Variants in CTNND2 observed in about 807,000 individuals in gnomAD.
The protein encoded by CTNND2 is catenin delta-2.
In CTNND2, 22 loss-of-function variants were observed where a neutral mutation model predicts 144.4. That is an observed-to-expected ratio of 0.15 (90% confidence interval 0.11 to 0.22). The LOEUF is 0.22. Ranked by LOEUF, CTNND2 falls within the 10% of genes least tolerant of loss-of-function variation. The probability of loss-of-function intolerance (pLI) is 1.00; values close to 1 mark genes in which losing one functional copy is unlikely to be tolerated. For synonymous variants in CTNND2, 751 were observed against 695.6 expected (o/e 1.08, Z -1.25); for missense variants, 1,353 against 1,618.8 (o/e 0.84, Z 2.82).
intron 7 of CTNND2, among the ~76,000 whole-genome samples, chr5:11,379,688 G>A (rs1320666398): frequency 6.6e-6 from 1 of 152,140 alleles, no homozygotes. Context: ...CAAAGCAAAC[G>A]GGAAAGAGTT....
chr5:11,699,339 G>C (rs1475953446), intron 2 of CTNND2, among the ~76,000 whole-genome samples: 1 of 152,106 alleles, frequency 6.6e-6, no homozygotes, highest in Non-Finnish European at 1.5e-5. Context: ...AGGTAGGAAT[G>C]GCCTATTTCT....
chr5:11,425,043 G>T (rs1038491110), intron 3 of CTNND2, among the ~76,000 whole-genome samples: 20 of 152,182 alleles, frequency 1.3e-4, no homozygotes, highest in African/African-American at 4.8e-4. Flanking sequence ...TGCTGCTACT[G>T]AAGGAAAACT....
At chr5:11,450,052 G>A (rs570439223) in intron 3 of CTNND2, among the ~76,000 whole-genome samples, 6 of 152,144 alleles carry the variant, frequency 3.9e-5, no homozygotes, top group African/African-American at 9.7e-5. Flanking sequence ...AGCCCTTTTC[G>A]GACTTAGCAA....
intron 2 of CTNND2, among the ~76,000 whole-genome samples, chr5:11,730,813 C>T: frequency 6.6e-6 from 1 of 152,130 alleles, no homozygotes; most frequent in Non-Finnish European, 1.5e-5. Flanking sequence ...CAGGTCTTGC[C>T]TTTTTGTTAC....
chr5:11,477,956 C>G (rs537782034), intron 3 of CTNND2, among the ~76,000 whole-genome samples: 16 of 152,282 alleles, frequency 1.1e-4, no homozygotes, highest in African/African-American at 3.6e-4. Context: ...TGATGTCAAA[C>G]AGTGAGAAGT....
chr5:11,397,303 T>C (rs1760237782), intron 5 of CTNND2, 100 bp from the exon 6 acceptor site: 2 of 943,560 alleles, frequency 2.1e-6, no homozygotes, highest in African/African-American at 3.3e-5. Flanking sequence ...CTCATGCACA[T>C]GATTCCAGCC....
At chr5:11,344,033 GA>G (rs1467370806) in intron 9 of CTNND2, among the ~76,000 whole-genome samples, 1 of 152,134 alleles carries the variant, frequency 6.6e-6, no homozygotes, top group Non-Finnish European at 1.5e-5. Context: ...ATATTTAAGG[GA>G]AAATGCAAAA....
intron 11 of CTNND2, among the ~76,000 whole-genome samples, chr5:11,198,640 T>C (rs1358854075): frequency 6.6e-6 from 1 of 152,208 alleles, no homozygotes; most frequent in Non-Finnish European, 1.5e-5. Context: ...TACTTGCTGA[T>C]GGGGTACTTT....
At chr5:11,852,316 AT>A (rs1305652300) in intron 1 of CTNND2, among the ~76,000 whole-genome samples, 1 of 152,190 alleles carries the variant, frequency 6.6e-6, no homozygotes, top group Non-Finnish European at 1.5e-5. Flanking sequence ...AGAAAAAAAA[AT>A]CCACAATCCT....
At chr5:11,440,013 G>T (rs1764131928) in intron 3 of CTNND2, among the ~76,000 whole-genome samples, 1 of 151,870 alleles carries the variant, frequency 6.6e-6, no homozygotes, top group South Asian at 2.1e-4. Context: ...CAAAGGAGGG[G>T]AATTTCTGCC....
intron 16 of CTNND2, among the ~76,000 whole-genome samples, chr5:11,046,859 C>A (rs376057939): frequency 1.3e-5 from 2 of 151,884 alleles, no homozygotes; most frequent in Non-Finnish European, 2.9e-5. Context: ...CAAACAACAA[C>A]AAAAAAACAG....
chr5:11,691,804 C>G (rs1437656438), intron 2 of CTNND2, among the ~76,000 whole-genome samples: 1 of 152,100 alleles, frequency 6.6e-6, no homozygotes, highest in Admixed American at 6.6e-5. Flanking sequence ...GTGGGAGGAT[C>G]ACTAGAGACC....
rs1477868553 is a variant in CTNND2 at position 10,972,566 on chromosome 5, T to C, written c.*887A>G. 1.3e-5 allele frequency: 2 copies of C among 152,648 alleles called. No individual in the cohort carries two copies. Among genetic ancestry groups the C allele is most frequent in the Non-Finnish European group, 2.9e-5 (2 of 68,030 alleles). 9.5% of individuals were successfully genotyped at this position (152,648 alleles called of 1,614,324 possible). On this transcript the variant is annotated 3_prime_UTR_variant, in exon 22 of 22. Transcript: ENST00000304623. ...ATTGTAATTTATTTTCTTTTAACAC[T>C]GTATCATCATAAAGAAAACTGGTAT...
intron 2 of CTNND2, among the ~76,000 whole-genome samples, chr5:11,567,153 A>AC (rs1554085470): frequency 1.3e-5 from 2 of 151,416 alleles, no homozygotes; most frequent in African/African-American, 4.9e-5. Flanking sequence ...TTTATTTTGT[A>AC]TTTTTTTATT....
At chr5:11,736,996 A>G (rs1289520419) in intron 1 of CTNND2, among the ~76,000 whole-genome samples, 1 of 151,832 alleles carries the variant, frequency 6.6e-6, no homozygotes, top group Admixed American at 6.6e-5. Flanking sequence ...TCAGTATTCA[A>G]TAATCTGTAC....
rs1738097731 is a variant in CTNND2 at position 11,903,715 on chromosome 5, G to A, written c.37+102C>T. The A allele has an allele frequency of 1.6e-6, 2 of 1,220,906 alleles. No individual in the cohort carries two copies. Among genetic ancestry groups the A allele is most frequent in the Non-Finnish European group, 2.1e-6 (2 of 933,824 alleles). 75.6% of individuals were successfully genotyped at this position (1,220,906 alleles called of 1,614,324 possible). ...CCCGCAGCAGCCGCCGCCGCCGCCT[G>A]CCGGCCGGGAGCCCAGGACCACCCC... On this transcript the variant is annotated intron_variant, in intron 1 of 21. Coordinates refer to ENST00000304623, the MANE Select transcript of CTNND2 (RefSeq NM_001332.4). The surrounding 1 kb of genome is among the most constrained non-coding windows in gnomAD (Gnocchi z 5.4).
At chr5:11,864,889 T>G (rs1191917972) in intron 1 of CTNND2, among the ~76,000 whole-genome samples, 2 of 8,338 alleles carry the variant, frequency 2.4e-4, no homozygotes, top group African/African-American at 3.5e-4. Flanking sequence ...CTTCCTTTTT[T>G]TTTTTTTTTT....
At chr5:11,409,076 C>T (rs1462087640) in intron 5 of CTNND2, among the ~76,000 whole-genome samples, 1 of 151,962 alleles carries the variant, frequency 6.6e-6, no homozygotes, top group Non-Finnish European at 1.5e-5. Flanking sequence ...AAGATATCCT[C>T]TGAATGTGTT....
At chr5:11,834,641 T>G (rs1034696720) in intron 1 of CTNND2, among the ~76,000 whole-genome samples, 2 of 152,228 alleles carry the variant, frequency 1.3e-5, no homozygotes, top group African/African-American at 4.8e-5. Flanking sequence ...CAAACACCTA[T>G]ATTCTGCAGG....
Sources: allele counts gnomAD v4.1 joint callset (sites outside exome capture counted in the v4.1 genomes callset), GRCh38; gene constraint gnomAD v4.1.1; non-coding constraint Gnocchi (gnomAD v3.1); transcripts MANE v1.5; gene names NCBI Gene and HGNC (gene_info 2026-07-23, HGNC 2026-07-21).